RPS6KC1: variants seen among roughly 807,000 people sequenced by gnomAD.
RPS6KC1 encodes inactive ribosomal protein S6 kinase delta-1.
A neutral mutation model predicts 103.8 loss-of-function variants in RPS6KC1; 54 were observed. That is an observed-to-expected ratio of 0.52 (90% confidence interval 0.42 to 0.65). The LOEUF (loss-of-function observed/expected upper bound fraction) is 0.65. Among genes scored for constraint, RPS6KC1 ranks in the 30% least tolerant of loss-of-function variants. The probability of loss-of-function intolerance (pLI) is 0.00; values close to 1 mark genes in which losing one functional copy is unlikely to be tolerated. For missense variants in RPS6KC1, 1,151 were observed against 1,253.8 expected, an observed-to-expected ratio of 0.92 and a Z score of 1.24; for synonymous variants, 439 against 438.7, an observed-to-expected ratio of 1.00 and a Z score of -0.01.
chr1:213,785,520 AG>A, the RPS6KC1 span, among the ~76,000 whole-genome samples: 3 of 151,584 alleles, frequency 2.0e-5, no homozygotes, highest in Non-Finnish European at 2.9e-5. Context: ...CAATACAGCA[AG>A]GGCCAATAGT....
chr1:213,261,437 C>A, intron 12 of RPS6KC1, 121 bp from the exon 13 acceptor site: 2 of 837,856 alleles, frequency 2.4e-6, no homozygotes, highest in Non-Finnish European at 3.8e-6. Flanking sequence ...ATTTTGAAAG[C>A]CCAGTAGTAT....
At chr1:213,611,995 C>G in the RPS6KC1 span, among the ~76,000 whole-genome samples, 1 of 152,154 alleles carries the variant, frequency 6.6e-6, no homozygotes, top group Non-Finnish European at 1.5e-5. Flanking sequence ...TAGACCAGGC[C>G]AGATACAAAG....
chr1:213,602,551 A>C, the RPS6KC1 span, among the ~76,000 whole-genome samples: 1 of 152,040 alleles, frequency 6.6e-6, no homozygotes, highest in Non-Finnish European at 1.5e-5. Context: ...CTAACATAAA[A>C]ATCTCTAAAT....
the RPS6KC1 span, among the ~76,000 whole-genome samples, chr1:213,766,824 C>A: frequency 6.6e-6 from 1 of 152,086 alleles, no homozygotes; most frequent in East Asian, 1.9e-4. Flanking sequence ...CCTTTGCTTT[C>A]TTTTTGTCAA....
the RPS6KC1 span, among the ~76,000 whole-genome samples, chr1:213,656,267 T>A: frequency 6.6e-6 from 1 of 152,130 alleles, no homozygotes; most frequent in African/African-American, 2.4e-5. Context: ...ACCAGGCGAA[T>A]AATTTTAGGA....
chr1:213,481,207 A>G, the RPS6KC1 span, among the ~76,000 whole-genome samples: 1 of 152,134 alleles, frequency 6.6e-6, no homozygotes, highest in Non-Finnish European at 1.5e-5. Context: ...GTCCCTGAAG[A>G]TTTGGTAAAA....
the RPS6KC1 span, among the ~76,000 whole-genome samples, chr1:213,294,806 C>G: frequency 6.6e-6 from 1 of 152,194 alleles, no homozygotes; most frequent in Non-Finnish European, 1.5e-5. Context: ...AAGAATCTTA[C>G]TTGTTAAAAT....
intron 3 of RPS6KC1, among the ~76,000 whole-genome samples, chr1:213,091,262 A>G (rs2080937903): frequency 1.3e-5 from 2 of 151,872 alleles, no homozygotes; most frequent in Non-Finnish European, 2.9e-5. Flanking sequence ...GAGTTTCACC[A>G]TGTTAGCCAG....
chr1:213,072,802 G>A (rs572933781), intron 2 of RPS6KC1: 72 of 195,606 alleles, frequency 3.7e-4, no homozygotes, highest in Non-Finnish European at 6.2e-4. Context: ...GAAAATGGGT[G>A]TATTTCCTTT....
chr1:213,345,072 G>A, the RPS6KC1 span, among the ~76,000 whole-genome samples: 1 of 152,132 alleles, frequency 6.6e-6, no homozygotes, highest in African/African-American at 2.4e-5. Context: ...TTCCTTAGGA[G>A]TTCAATTATA....
the RPS6KC1 span, among the ~76,000 whole-genome samples, chr1:213,545,891 G>A: frequency 0.017 from 2,549 of 152,182 alleles, 32 homozygotes; most frequent in Middle Eastern, 0.031. Context: ...CTGGGATGGG[G>A]GCTTCTTCCA....
the RPS6KC1 span, among the ~76,000 whole-genome samples, chr1:213,389,667 G>A: frequency 2.4e-4 from 36 of 152,258 alleles, no homozygotes; most frequent in African/African-American, 8.2e-4. Context: ...GAACATCCGT[G>A]GCTCCCTTCC....
rs886273350 is a variant in RPS6KC1 at position 213,211,381 on chromosome 1, A to C, written c.1045-19116A>C. Reference sequence around the variant, plus strand: ...AACAGACAATCAAAATGAGAATGACAAAGGTGTGGAGAGATCTAGCTTTTA... The same window carrying C: ...AACAGACAATCAAAATGAGAATGACCAAGGTGTGGAGAGATCTAGCTTTTA... On this transcript the variant is annotated intron_variant, in intron 8 of 14. Transcript: ENST00000366960. Among the ~76,000 whole-genome samples the C allele has an allele frequency of 2.0e-5, 3 of 152,178 alleles. No homozygotes were observed. The East Asian group carries it at 5.8e-4, about 29-fold the overall frequency.
At chr1:213,613,897 C>T in the RPS6KC1 span, among the ~76,000 whole-genome samples, 2 of 152,222 alleles carry the variant, frequency 1.3e-5, no homozygotes, top group Admixed American at 1.3e-4. Context: ...CTCCATAAGC[C>T]TTCACCAGAT....
chr1:213,566,825 TTCA>T, the RPS6KC1 span, among the ~76,000 whole-genome samples: 14 of 152,310 alleles, frequency 9.2e-5, no homozygotes, highest in African/African-American at 3.1e-4. Context: ...TTTTAAATGT[TTCA>T]TCATTTTAAA....
At chr1:213,771,452 C>G in the RPS6KC1 span, among the ~76,000 whole-genome samples, 1 of 152,150 alleles carries the variant, frequency 6.6e-6, no homozygotes, top group African/African-American at 2.4e-5. Flanking sequence ...AAGTTCTCCC[C>G]TGCCTATCAA....
At chr1:213,337,833 A>G in the RPS6KC1 span, among the ~76,000 whole-genome samples, 2 of 152,228 alleles carry the variant, frequency 1.3e-5, no homozygotes, top group African/African-American at 4.8e-5. Context: ...GCAGCGTATC[A>G]TGCTGTAGGG....
At chr1:213,271,245 G>A (rs1422503276) in intron 14 of RPS6KC1, among the ~76,000 whole-genome samples, 1 of 152,134 alleles carries the variant, frequency 6.6e-6, no homozygotes, top group Non-Finnish European at 1.5e-5. Flanking sequence ...CTAAGAAAAA[G>A]GAATGGCCTG....
chr1:213,232,429 G>A (rs961654068), intron 10 of RPS6KC1, among the ~76,000 whole-genome samples, 174 bp downstream of exon 10: 1 of 152,116 alleles, frequency 6.6e-6, no homozygotes, highest in African/African-American at 2.4e-5. Flanking sequence ...GAAAACCCAG[G>A]TGAACAACAG....
Sources: allele counts gnomAD v4.1 joint callset (sites outside exome capture counted in the v4.1 genomes callset), GRCh38; gene constraint gnomAD v4.1.1; transcripts MANE v1.5; gene names NCBI Gene and HGNC (gene_info 2026-07-23, HGNC 2026-07-21).